JARID2: variants seen among roughly 807,000 people sequenced by gnomAD.
The protein encoded by JARID2 is protein Jumonji.
A neutral mutation model predicts 125.6 loss-of-function variants in JARID2; 21 were observed. The ratio of observed to expected loss-of-function variants is 0.17; its 90% confidence interval spans 0.12 to 0.24. The LOEUF (loss-of-function observed/expected upper bound fraction) is 0.24. Ranked by LOEUF, JARID2 falls within the 10% of genes least tolerant of loss-of-function variation. The probability of loss-of-function intolerance (pLI) is 1.00; values close to 1 mark genes in which losing one functional copy is unlikely to be tolerated. For synonymous variants in JARID2, 736 were observed against 661.6 expected (o/e 1.11, Z -1.73); for missense variants, 1,303 against 1,639.6 (o/e 0.79, Z 3.55).
In JARID2 at chr6:15,509,185, C is replaced by T; in HGVS notation, c.2846+731C>T. Reference sequence around the variant, plus strand: ...CTGTAATCCTGACTCTCACTGCACCCATCCCTGATCGAGGCTGGACTCTTT... The same window carrying T: ...CTGTAATCCTGACTCTCACTGCACCTATCCCTGATCGAGGCTGGACTCTTT... On this transcript the variant is annotated intron_variant, in intron 12 of 17. Coordinates refer to ENST00000341776, the MANE Select transcript of JARID2 (RefSeq NM_004973.4). 4 of 1,270,586 alleles carry T rather than the reference C, an allele frequency of 3.1e-6. No homozygotes were observed. In the South Asian group the frequency reaches 5.1e-5, roughly 16 times the overall value. 78.7% of individuals were successfully genotyped at this position (1,270,586 alleles called of 1,614,324 possible).
intron 1 of JARID2, among the ~76,000 whole-genome samples, chr6:15,333,971 A>G (rs1762800066): frequency 6.6e-6 from 1 of 152,148 alleles, no homozygotes; most frequent in Non-Finnish European, 1.5e-5. Context: ...ACTGGTTTGG[A>G]TGAACACACA....
rs7768621 is a variant in JARID2 at position 15,468,645 on chromosome 6, C to G, written c.597C>G (p.Thr199=). 0.12 allele frequency: 192,862 copies of G among 1,613,434 alleles called. 12,712 individuals carry two copies. The highest frequency in any genetic ancestry group is 0.13 in the Non-Finnish European group (158,797 of 1,179,570). ...AGACAGAAGACGTCAAAACAGCCACCAACAATGCTTCATCTTCATGCCAGT... is the reference window on the plus strand; with the variant it reads ...AGACAGAAGACGTCAAAACAGCCACGAACAATGCTTCATCTTCATGCCAGT... The part of the protein sequence containing the change: ...DDETEDVKTA[T]NNASSSCQST... The change falls in exon 5 of 18, where the codon ACC becomes ACG. Residue 199 remains threonine (T), a synonymous_variant. Coordinates refer to ENST00000341776, the MANE Select transcript of JARID2 (RefSeq NM_004973.4).
In JARID2 at chr6:15,496,278, A is replaced by C; in HGVS notation, c.1053A>C (p.Lys351Asn). ...CGAAGGGGGCTGTCACATACACCAA[A>C]GCCAAGAGAGAACTGGTCAAGGACA... is the stretch of plus-strand genomic sequence containing the variant. ...TVTKGAVTYT[K>N]AKRELVKDTK... The change falls in exon 7 of 18, where the codon AAA becomes AAC. Residue 351 changes from lysine to asparagine, a missense_variant. Around this residue, in one of 11 missense-constraint regions of JARID2, gnomAD observed 651 missense variants for 581.6 expected, o/e 1.12. Coordinates refer to ENST00000341776, the MANE Select transcript of JARID2 (RefSeq NM_004973.4). The C allele has an allele frequency of 6.2e-7, 1 of 1,614,188 alleles. No individual in the cohort carries two copies. The highest frequency in any genetic ancestry group is 8.5e-7 in the Non-Finnish European group (1 of 1,180,034).
chr6:15,460,849 C>T (rs1003964620), intron 4 of JARID2, among the ~76,000 whole-genome samples: 2 of 152,174 alleles, frequency 1.3e-5, no homozygotes, highest in Admixed American at 6.5e-5. Context: ...GGAATACAGA[C>T]GTGCCCCACC....
At chr6:15,307,952 A>G (rs1284559837) in intron 1 of JARID2, among the ~76,000 whole-genome samples, 1 of 152,218 alleles carries the variant, frequency 6.6e-6, no homozygotes, top group Non-Finnish European at 1.5e-5. Context: ...GGTGTCAACT[A>G]AAACAAGCAC....
At chr6:15,405,773 G>T (rs1230448722) in intron 2 of JARID2, among the ~76,000 whole-genome samples, 4 of 152,208 alleles carry the variant, frequency 2.6e-5, no homozygotes, top group African/African-American at 9.7e-5. Flanking sequence ...TTTAACAATT[G>T]GTGGCAGGGC....
chr6:15,252,471 A>G (rs967376577), intron 1 of JARID2, among the ~76,000 whole-genome samples: 2 of 152,174 alleles, frequency 1.3e-5, no homozygotes, highest in Non-Finnish European at 2.9e-5. Flanking sequence ...GTAACATGTA[A>G]AGTGTGGATC....
chr6:15,499,899 C>T (rs907092243), intron 7 of JARID2, among the ~76,000 whole-genome samples: 6 of 152,220 alleles, frequency 3.9e-5, no homozygotes, highest in East Asian at 1.9e-4. Context: ...GTGGTTCAGA[C>T]GCTTCACCTA....
rs777185275 is a variant in JARID2 at position 15,520,262 on chromosome 6, G to A, written c.*11G>A. 1.6e-5 allele frequency: 25 copies of A among 1,569,020 alleles called. No homozygotes were observed. The highest frequency in any genetic ancestry group is 1.4e-4 in the East Asian group (6 of 43,240). On this transcript the variant is annotated 3_prime_UTR_variant, in exon 18 of 18. Coordinates refer to ENST00000341776, the MANE Select transcript of JARID2 (RefSeq NM_004973.4). Reference sequence around the variant, plus strand: ...TCGAGCTCATCATGAAGATGCCAACGCCCGTGGTCGATTTATATATATTTT... The same window carrying A: ...TCGAGCTCATCATGAAGATGCCAACACCCGTGGTCGATTTATATATATTTT...
intron 1 of JARID2, among the ~76,000 whole-genome samples, chr6:15,269,311 T>A (rs1331129225): frequency 6.6e-6 from 1 of 152,150 alleles, no homozygotes; most frequent in Non-Finnish European, 1.5e-5. Context: ...ACTCGATAAC[T>A]GCCTCCTAAA....
intron 1 of JARID2, among the ~76,000 whole-genome samples, chr6:15,353,828 C>G (rs1763509631): frequency 6.6e-6 from 1 of 152,182 alleles, no homozygotes; most frequent in Admixed American, 6.5e-5. Flanking sequence ...TTGGAGCCAC[C>G]AGTTATTTTT....
intron 1 of JARID2, among the ~76,000 whole-genome samples, chr6:15,271,734 T>G (rs999202215): frequency 6.6e-6 from 1 of 152,170 alleles, no homozygotes; most frequent in African/African-American, 2.4e-5. Context: ...GCACAGTGGC[T>G]CATGCCTGTA....
chr6:15,253,432 T>C (rs1482663593), intron 1 of JARID2, among the ~76,000 whole-genome samples: 1 of 152,074 alleles, frequency 6.6e-6, no homozygotes. Context: ...ACCTGTCATT[T>C]TGCTCTTGGT....
intron 3 of JARID2, among the ~76,000 whole-genome samples, chr6:15,416,259 A>T (rs1339885939): frequency 1.3e-5 from 2 of 152,076 alleles, no homozygotes; most frequent in Non-Finnish European, 2.9e-5. Flanking sequence ...GGCCAGGCAG[A>T]GACGCTTCTC....
At chr6:15,444,702 G>C (rs1213773594) in intron 3 of JARID2, among the ~76,000 whole-genome samples, 4 of 150,110 alleles carry the variant, frequency 2.7e-5, no homozygotes, top group African/African-American at 9.8e-5. Context: ...AGCCATGCCG[G>C]TCATTTTGCA....
At chr6:15,307,888 C>T (rs1052376613) in intron 1 of JARID2, among the ~76,000 whole-genome samples, 7 of 152,316 alleles carry the variant, frequency 4.6e-5, no homozygotes, top group Admixed American at 1.3e-4. Context: ...CCAAGAAATA[C>T]AGACTCCCAG....
chr6:15,329,812 T>C (rs1366624983), intron 1 of JARID2, among the ~76,000 whole-genome samples: 1 of 152,214 alleles, frequency 6.6e-6, no homozygotes, highest in Admixed American at 6.5e-5. Context: ...AGGTTGCAAA[T>C]ATTGTCTATT....
intron 1 of JARID2, among the ~76,000 whole-genome samples, chr6:15,355,653 C>T (rs1022561619): frequency 3.9e-5 from 6 of 152,022 alleles, no homozygotes; most frequent in Non-Finnish European, 7.4e-5. Flanking sequence ...ACTAGGTCAC[C>T]CAGGCTGAAG....
intron 3 of JARID2, among the ~76,000 whole-genome samples, chr6:15,415,223 C>G (rs193067931): frequency 7.3e-4 from 111 of 152,334 alleles, no homozygotes; most frequent in African/African-American, 2.5e-3. Context: ...TCCCTCTACA[C>G]AGACATGGCA....
Sources: gnomAD v4.1 joint callset for allele counts (sites outside exome capture counted in the v4.1 genomes callset) on GRCh38, gnomAD v4.1.1 for gene constraint, gnomAD v4.1.1 regional missense constraint, MANE v1.5 for transcripts, NCBI Gene and HGNC (gene_info 2026-07-23, HGNC 2026-07-21) for gene names.